The following DAB1 variants were observed in gnomAD, a reference collection of about 807,000 sequenced individuals.
DAB1 encodes the protein disabled homolog 1.
Under a neutral mutation model 64.6 loss-of-function variants are expected in DAB1, and 15 were observed. The ratio of observed to expected loss-of-function variants is 0.23; its 90% CI spans 0.16 to 0.36. The LOEUF (loss-of-function observed/expected upper bound fraction) is 0.36, where lower values mean the gene tolerates loss of function less well. DAB1 is among the 10% of genes least tolerant of loss of function. The pLI, the probability that DAB1 is intolerant of heterozygous loss-of-function variation, is 1.00. For missense variants in DAB1, 596 were observed against 706.7 expected (o/e 0.84, Z 1.78); for synonymous variants, 235 against 251.9 (o/e 0.93, Z 0.64).
At chr1:57,975,109 T>C (rs1645888903) in intron 5 of DAB1, among the ~76,000 whole-genome samples, 1 of 152,094 alleles carries the variant, frequency 6.6e-6, no homozygotes, top group African/African-American at 2.4e-5. Flanking sequence ...GGAGCCCTCA[T>C]GAATAGGATT....
intron 6 of DAB1, among the ~76,000 whole-genome samples, chr1:57,679,232 T>C (rs1646607846): frequency 6.6e-6 from 1 of 152,218 alleles, no homozygotes; most frequent in South Asian, 2.1e-4. Flanking sequence ...GTAGGTGTTC[T>C]CTCAAGGGAG....
chr1:57,951,251 G>C (rs1238868581), intron 5 of DAB1, among the ~76,000 whole-genome samples: 1 of 146,214 alleles, frequency 6.8e-6, no homozygotes, highest in East Asian at 2.0e-4. Context: ...GATAGACATT[G>C]GGGGGTGAGG....
intron 8 of DAB1, among the ~76,000 whole-genome samples, chr1:57,068,352 T>A (rs1386764414): frequency 2.0e-5 from 3 of 152,302 alleles, no homozygotes; most frequent in Non-Finnish European, 4.4e-5. Context: ...TCCAGATAGA[T>A]CCAGTGGAGA....
chr1:57,634,888 A>G (rs1169179131), intron 7 of DAB1, among the ~76,000 whole-genome samples: 3 of 152,190 alleles, frequency 2.0e-5, no homozygotes, highest in Non-Finnish European at 2.9e-5. Flanking sequence ...GGGAGGGTAT[A>G]CTATTTTATA....
chr1:57,121,733 G>A (rs1656686116), intron 4 of DAB1, among the ~76,000 whole-genome samples: 1 of 151,858 alleles, frequency 6.6e-6, no homozygotes, highest in South Asian at 2.1e-4. Context: ...GTTAATTTTT[G>A]TATAAGGTGT....
At chr1:57,631,949 T>C (rs1645995059) in intron 7 of DAB1, among the ~76,000 whole-genome samples, 1 of 152,138 alleles carries the variant, frequency 6.6e-6, no homozygotes, top group Non-Finnish European at 1.5e-5. Context: ...GGTATTAGCA[T>C]CAGGAGACAT....
chr1:57,111,155 T>C (rs905131288), intron 4 of DAB1, among the ~76,000 whole-genome samples: 1 of 151,924 alleles, frequency 6.6e-6, no homozygotes, highest in African/African-American at 2.4e-5. Flanking sequence ...GGATGGCGGA[T>C]ATGGGAAGAA....
At chr1:57,721,222 G>C (rs1336573778) in intron 6 of DAB1, among the ~76,000 whole-genome samples, 3 of 152,102 alleles carry the variant, frequency 2.0e-5, no homozygotes, top group Admixed American at 6.6e-5. Context: ...AAAATTGAAT[G>C]ACTGATCTAA....
At chr1:58,100,679 A>G (rs368595261) in intron 5 of DAB1, among the ~76,000 whole-genome samples, 1 of 152,202 alleles carries the variant, frequency 6.6e-6, no homozygotes, top group Non-Finnish European at 1.5e-5. Flanking sequence ...CACATATCAT[A>G]CTACATGTTT....
intron 4 of DAB1, among the ~76,000 whole-genome samples, chr1:57,084,456 C>T (rs1417295801): frequency 6.6e-6 from 1 of 152,206 alleles, no homozygotes; most frequent in Non-Finnish European, 1.5e-5. Context: ...GTTGTTTCAG[C>T]TGTCCAGTTT....
chr1:57,401,357 T>G (rs1167695785), intron 1 of DAB1, among the ~76,000 whole-genome samples: 1 of 152,220 alleles, frequency 6.6e-6, no homozygotes, highest in Non-Finnish European at 1.5e-5. Context: ...AAATATTTAT[T>G]AAGTGCATAA....
chr1:58,203,282 T>C (rs528929990), intron 4 of DAB1, among the ~76,000 whole-genome samples: 1 of 152,380 alleles, frequency 6.6e-6, no homozygotes, highest in African/African-American at 2.4e-5. Context: ...ACATTTTATC[T>C]GTTTTGGATT....
At chr1:57,312,594 G>A (rs1033844717) in intron 1 of DAB1, among the ~76,000 whole-genome samples, 5 of 152,270 alleles carry the variant, frequency 3.3e-5, no homozygotes, top group African/African-American at 7.2e-5. Flanking sequence ...ACATCACCAG[G>A]GCCCAGGCTA....
intron 3 of DAB1, among the ~76,000 whole-genome samples, chr1:58,451,711 T>C (rs1383423547): frequency 2.0e-5 from 3 of 152,250 alleles, no homozygotes; most frequent in Non-Finnish European, 2.9e-5. Context: ...AGACGGGCTT[T>C]AGTAAACATC....
At chr1:58,512,539 T>G (rs1264365269) in intron 2 of DAB1, among the ~76,000 whole-genome samples, 1 of 152,158 alleles carries the variant, frequency 6.6e-6, no homozygotes, top group African/African-American at 2.4e-5. Context: ...AAATGTGGTA[T>G]AAACATACAT....
At chr1:58,097,689 G>C (rs1398622836) in intron 5 of DAB1, among the ~76,000 whole-genome samples, 1 of 152,156 alleles carries the variant, frequency 6.6e-6, no homozygotes, top group African/African-American at 2.4e-5. Flanking sequence ...AAGCCAGTAT[G>C]GTAGAGTTCC....
chr1:58,262,126 T>G (rs1264965671), intron 4 of DAB1, among the ~76,000 whole-genome samples: 1 of 151,894 alleles, frequency 6.6e-6, no homozygotes, highest in Admixed American at 6.6e-5. Context: ...ATAGAATAGA[T>G]AAAGTGAGAT....
intron 6 of DAB1, among the ~76,000 whole-genome samples, chr1:57,766,621 T>G (rs947977192): frequency 1.3e-5 from 2 of 152,170 alleles, no homozygotes; most frequent in South Asian, 4.1e-4. Context: ...TGGCACCAAA[T>G]GTATGGGTGT....
At chr1:57,482,477 T>TAAAAAAAAAAAAA (rs918167439) in intron 7 of DAB1, among the ~76,000 whole-genome samples, 3 of 61,200 alleles carry the variant, frequency 4.9e-5, no homozygotes, top group Non-Finnish European at 6.9e-5. Flanking sequence ...CTGAAAGTTG[T>TAAAAAAAAAAAAA]AAAAAAAAAA....
Sources: allele counts gnomAD v4.1 joint callset (sites outside exome capture counted in the v4.1 genomes callset), GRCh38; gene constraint gnomAD v4.1.1; transcripts MANE v1.5; gene names NCBI Gene and HGNC (gene_info 2026-07-23, HGNC 2026-07-21).